Variants in TMEM132B observed in about 807,000 individuals in gnomAD.
TMEM132B encodes transmembrane protein 132B.
TMEM132B carries 18 observed loss-of-function variants against 90.8 expected under a neutral mutation model. The observed-to-expected ratio is 0.20, with a 90% CI of 0.14 to 0.29. TMEM132B has a LOEUF of 0.29. Among genes scored for constraint, TMEM132B ranks in the 10% least tolerant of loss-of-function variants. The pLI is 1.00. For missense variants in TMEM132B, 1,096 were observed against 1,326.8 expected, an observed-to-expected ratio of 0.83 and a Z score of 2.70; for synonymous variants, 504 against 523.3, an observed-to-expected ratio of 0.96 and a Z score of 0.50.
intron 3 of TMEM132B, among the ~76,000 whole-genome samples, chr12:125,505,586 C>T (rs12825537): frequency 0.1 from 15,466 of 151,914 alleles, 1,271 homozygotes; most frequent in Admixed American, 0.27. Context: ...GTAATCCCAG[C>T]TACTCGGGAG....
In TMEM132B at chr12:125,653,728, G is replaced by T; in HGVS notation, c.2270G>T (p.Gly757Val). The change falls in exon 9 of 9, where the codon GGT (glycine) becomes GTT (valine). Residue 757 changes from glycine to valine, a missense_variant. Transcript: ENST00000682704. ...ESKWPIVVAEGEGQGPLIKLE... is the reference protein window; with the variant it reads ...ESKWPIVVAEVEGQGPLIKLE... ...AAATGGCCAATTGTGGTTGCAGAGG[G>T]TGAAGGACAAGGGCCTTTGATTAAG... 1.2e-6 allele frequency: 2 copies of T among 1,614,176 alleles called. No homozygotes were observed. Among genetic ancestry groups the T allele is most frequent in the Non-Finnish European group, 1.7e-6 (2 of 1,180,024 alleles).
chr12:125,418,136 A>T (rs913536483), intron 3 of TMEM132B, among the ~76,000 whole-genome samples: 1 of 152,188 alleles, frequency 6.6e-6, no homozygotes, highest in African/African-American at 2.4e-5. Flanking sequence ...GTCTATGCTT[A>T]GGAAATTAAT....
chr12:125,406,683 G>C lies in TMEM132B; in HGVS notation c.960-8848G>C, dbSNP rs1879494028. Among the ~76,000 whole-genome samples the C allele has an allele frequency of 6.6e-6, 1 of 152,094 alleles. No homozygotes were observed. Among genetic ancestry groups the C allele is most frequent in the African/African-American group, 2.4e-5 (1 of 41,428 alleles). On this transcript the variant is annotated intron_variant, in intron 2 of 8. Transcript: ENST00000682704. This position sits in a 1 kb window ranked among gnomAD's most constrained non-coding sequence, Gnocchi z 8.3. ...GCTTCCTTCTCCAACCCCCGCCCAT[G>C]GCAGACAGTGAAAGACTTGACCCAC...
intron 5 of TMEM132B, among the ~76,000 whole-genome samples, chr12:125,642,999 C>T (rs1886668881): frequency 6.6e-6 from 1 of 152,120 alleles, no homozygotes; most frequent in Non-Finnish European, 1.5e-5. Flanking sequence ...GAAGTTTACT[C>T]TTTAAGTTTG....
intron 5 of TMEM132B, among the ~76,000 whole-genome samples, chr12:125,636,059 T>A (rs1038803529): frequency 8.5e-5 from 13 of 152,154 alleles, no homozygotes; most frequent in Non-Finnish European, 2.9e-5. Flanking sequence ...GAGACTCCCT[T>A]TTCTACCTCT....
At chr12:125,549,194 A>G (rs1406102868) in intron 4 of TMEM132B, among the ~76,000 whole-genome samples, 6 of 152,238 alleles carry the variant, frequency 3.9e-5, no homozygotes, top group African/African-American at 1.4e-4. Flanking sequence ...GAGATAAATT[A>G]TGCTTGTGAT....
chr12:125,602,727 A>G (rs1290873684), intron 5 of TMEM132B, among the ~76,000 whole-genome samples: 1 of 152,238 alleles, frequency 6.6e-6, no homozygotes. Context: ...CCAGCATCTC[A>G]GCCCAAAAAC....
intron 2 of TMEM132B, among the ~76,000 whole-genome samples, chr12:125,403,189 T>C (rs2136324034): frequency 6.6e-6 from 1 of 152,296 alleles, no homozygotes; most frequent in Non-Finnish European, 1.5e-5. Context: ...ACCCAGAGAC[T>C]CCCCACTGAG....
intron 3 of TMEM132B, among the ~76,000 whole-genome samples, chr12:125,435,447 G>A (rs1880672398): frequency 6.6e-6 from 1 of 152,098 alleles, no homozygotes; most frequent in South Asian, 2.1e-4. Context: ...AGGGGGAGGG[G>A]TTAGACACAT....
At chr12:125,344,446 C>G (rs1191713662) in intron 1 of TMEM132B, among the ~76,000 whole-genome samples, 1 of 152,176 alleles carries the variant, frequency 6.6e-6, no homozygotes, top group Non-Finnish European at 1.5e-5. Context: ...GTTAGGTTAT[C>G]AGAACCCAGA....
intron 1 of TMEM132B, among the ~76,000 whole-genome samples, chr12:125,271,884 A>T (rs556853652): frequency 2.0e-5 from 3 of 152,316 alleles, no homozygotes; most frequent in African/African-American, 7.2e-5. Context: ...GTTTTTACTT[A>T]AATATGATTA....
intron 5 of TMEM132B, among the ~76,000 whole-genome samples, chr12:125,614,811 G>A: frequency 6.6e-6 from 1 of 152,132 alleles, no homozygotes; most frequent in East Asian, 1.9e-4. Context: ...TACTGTCTAG[G>A]TAACTTGCTT....
At chr12:125,435,802 A>T (rs1012923733) in intron 3 of TMEM132B, among the ~76,000 whole-genome samples, 3 of 152,096 alleles carry the variant, frequency 2.0e-5, no homozygotes, top group African/African-American at 7.2e-5. Context: ...TGGAGGCCTG[A>T]GAGATGGGAG....
intron 5 of TMEM132B, 47 bp downstream of exon 5, chr12:125,584,041 T>C: frequency 6.2e-7 from 1 of 1,613,164 alleles, no homozygotes; most frequent in Non-Finnish European, 8.5e-7. Context: ...CAGAGCTTTT[T>C]GTCGTTCCTT....
intron 1 of TMEM132B, among the ~76,000 whole-genome samples, chr12:125,336,329 C>T (rs1288325310): frequency 6.6e-6 from 1 of 152,172 alleles, no homozygotes; most frequent in Non-Finnish European, 1.5e-5. Flanking sequence ...TCATTTGCTC[C>T]TCTTTACTGC....
chr12:125,432,397 A>ATGTATG (rs1555248759), intron 3 of TMEM132B, among the ~76,000 whole-genome samples: 934 of 68,322 alleles, frequency 0.014, 300 homozygotes, highest in Admixed American at 0.039. Context: ...ATATATATAT[A>ATGTATG]TGTATGTATG....
chr12:125,317,076 C>T lies in TMEM132B; in HGVS notation c.68-32376C>T, dbSNP rs182029869. ...TCAAAGGATAGTGCCGCCTTCCCAA[C>T]TTGGGGACAGAACCCCTTGTTATCC... On this transcript the variant is annotated intron_variant, in intron 1 of 8. Transcript: ENST00000682704. 9.2e-3 allele frequency among the ~76,000 whole-genome samples: 1,401 copies of T among 152,234 alleles called. 7 individuals carry two copies. The highest frequency in any genetic ancestry group is 0.015 in the Non-Finnish European group (1,044 of 68,016).
intron 5 of TMEM132B, among the ~76,000 whole-genome samples, chr12:125,596,328 T>TTA (rs1349647637): frequency 6.6e-6 from 1 of 152,168 alleles, no homozygotes; most frequent in Non-Finnish European, 1.5e-5. Flanking sequence ...CAGCCTCCTA[T>TTA]TAAACAAATG....
chr12:125,393,509 T>C (rs1879087274), intron 2 of TMEM132B, among the ~76,000 whole-genome samples: 1 of 151,810 alleles, frequency 6.6e-6, no homozygotes, highest in Non-Finnish European at 1.5e-5. Flanking sequence ...AAGATGAGAA[T>C]TGAAAGATGG....
Sources: allele counts gnomAD v4.1 joint callset (sites outside exome capture counted in the v4.1 genomes callset), GRCh38; gene constraint gnomAD v4.1.1; non-coding constraint Gnocchi (gnomAD v3.1); transcripts MANE v1.5; gene names NCBI Gene and HGNC (gene_info 2026-07-23, HGNC 2026-07-21).